DET1: variants seen among roughly 807,000 people sequenced by gnomAD.
The protein encoded by DET1 is DET1 partner of COP1 E3 ubiquitin ligase.
A neutral mutation model predicts 43.7 loss-of-function variants in DET1; 22 were observed. The observed-to-expected ratio is 0.50, with a 90% CI of 0.36 to 0.72. The LOEUF is 0.72. DET1 is among the 30% of genes least tolerant of loss of function. DET1 has a pLI of 0.00. For synonymous variants in DET1, 315 were observed against 266.2 expected (o/e 1.18, Z -1.79); for missense variants, 713 against 713.3 (o/e 1.00, Z 0.00).
intron 2 of DET1, 133 bp from the exon 3 acceptor site, chr15:88,527,919 A>ACAC: frequency 5.2e-6 from 3 of 579,456 alleles, no homozygotes; most frequent in Non-Finnish European, 8.2e-6. Context: ...AACAACAACA[A>ACAC]CAAGCAAACA....
intron 3 of DET1, among the ~76,000 whole-genome samples, chr15:88,517,380 C>A (rs2056375139): frequency 6.6e-6 from 1 of 151,964 alleles, no homozygotes; most frequent in Admixed American, 6.6e-5. Context: ...CACGTGCCAC[C>A]ACACCCAGCT....
Position 88,504,378 on chromosome 15 carries a change from C to T in DET1, c.*2066-391G>A, listed in dbSNP as rs369200668. On this transcript the variant is annotated intron_variant and NMD_transcript_variant, in intron 7 of 8. Coordinates refer to the DET1 transcript ENST00000557842. The surrounding 1 kb of genome is among the most constrained non-coding windows in gnomAD (Gnocchi z 4.7). Reference sequence around the variant, plus strand: ...TCAACCATGATACGATGTGGGAGGGCATGAATATAGAAGGTAGGGTCACTG... The same window carrying T: ...TCAACCATGATACGATGTGGGAGGGTATGAATATAGAAGGTAGGGTCACTG... 6.6e-6 allele frequency: 1 copy of T among 152,136 alleles called. No homozygotes were observed. The highest frequency in any genetic ancestry group is 2.4e-5 in the African/African-American group (1 of 41,418). The allele number at this position is 152,136 out of a possible 1,614,324, so 9.4% of individuals were successfully genotyped here.
rs1000907005 is a variant in DET1 at position 88,530,918 on chromosome 15, T to A, written c.788A>T (p.Asp263Val). 3.7e-6 allele frequency: 6 copies of A among 1,613,900 alleles called. No homozygotes were observed. Among genetic ancestry groups the A allele is most frequent in the Non-Finnish European group, 5.1e-6 (6 of 1,179,900 alleles). ...VRTIGRFCYEDDLLTVSAVFP... is the reference protein window; with the variant it reads ...VRTIGRFCYEVDLLTVSAVFP... ...AACAGCTGACACAGTGAGCAGGTCA[T>A]CCTCATAGCAAAAGCGGCCAATGGT... Residue 263 changes from aspartate (D) to valine (V), a missense_variant, in exon 2 of 5, where the codon GAT (aspartate) becomes GTT (valine). Asp to Val is a radical substitution (Grantham distance 152, BLOSUM62 -3). Coordinates refer to ENST00000268148, the MANE Select transcript of DET1 (RefSeq NM_001144074.3).
In DET1 at chr15:88,530,912, A is replaced by G. The variant is rs1360121746; in HGVS notation, c.794T>C (p.Leu265Pro). The change falls in exon 2 of 5, where the codon CTG (leucine) becomes CCG (proline). Residue 265 changes from leucine (L) to proline (P), a missense_variant. Transcript: ENST00000268148. ...TIGRFCYEDD[L>P]LTVSAVFPEV... Reference sequence around the variant, plus strand: ...AGGGAAAACAGCTGACACAGTGAGCAGGTCATCCTCATAGCAAAAGCGGCC... The same window carrying G: ...AGGGAAAACAGCTGACACAGTGAGCGGGTCATCCTCATAGCAAAAGCGGCC... 6.2e-7 allele frequency: 1 copy of G among 1,614,048 alleles called. No homozygotes were observed. The highest frequency in any genetic ancestry group is 1.1e-5 in the South Asian group (1 of 91,090).
chr15:88,533,329 T>A (rs1276521110), intron 1 of DET1, among the ~76,000 whole-genome samples: 1 of 152,204 alleles, frequency 6.6e-6, no homozygotes, highest in East Asian at 1.9e-4. Flanking sequence ...CCTTGTGCAT[T>A]GTTGGTGGAA....
rs778510845 is a variant in DET1, at chr15:88,536,356, C to G, written c.-10-4641G>C. On this transcript the variant is annotated intron_variant, in intron 1 of 4. Coordinates refer to ENST00000268148, the MANE Select transcript of DET1 (RefSeq NM_001144074.3). ...CCATACCAGAGAGCAGGGAACTGGT[C>G]TAATTCCTTGCTGTATTCCCAGCAC... 6.4e-6 allele frequency: 5 copies of G among 778,746 alleles called. No individual in the cohort carries two copies. In the East Asian group the frequency reaches 9.7e-5, roughly 15 times the overall value. 48.2% of individuals were successfully genotyped at this position (778,746 alleles called of 1,614,324 possible).
downstream of DET1, among the ~76,000 whole-genome samples, chr15:88,508,836 G>C (rs1266738276): frequency 6.6e-6 from 1 of 152,172 alleles, no homozygotes; most frequent in Non-Finnish European, 1.5e-5. Context: ...AAGAGAATAA[G>C]GGGTCAAAGC....
At chr15:88,540,582 T>C (rs1289334761) in intron 1 of DET1, among the ~76,000 whole-genome samples, 2 of 152,006 alleles carry the variant, frequency 1.3e-5, no homozygotes, top group East Asian at 3.9e-4. Flanking sequence ...ATCAGATTGT[T>C]ACTGTGTCTG....
downstream of DET1, chr15:88,511,631 A>G (rs1327113012): frequency 3.1e-6 from 3 of 983,134 alleles, no homozygotes; most frequent in Non-Finnish European, 3.6e-6. Context: ...TATTATAATA[A>G]TCTGTCTATT....
At position 88,516,911 on chromosome 15, in the gene DET1, A is replaced by G; in HGVS notation, c.1334T>C (p.Leu445Pro). 5 of 1,610,178 alleles carry G rather than the reference A, an allele frequency of 3.1e-6. No individual in the cohort carries two copies. The highest frequency in any genetic ancestry group is 3.4e-6 in the Non-Finnish European group (4 of 1,178,208). Residue 445 changes from leucine (L) to proline (P), a missense_variant, in exon 4 of 5, where the codon CTG (leucine) becomes CCG (proline). Leu to Pro is a moderately conservative substitution (Grantham distance 98). Coordinates refer to ENST00000268148, the MANE Select transcript of DET1 (RefSeq NM_001144074.3). The surrounding 1 kb of genome is among the most constrained non-coding windows in gnomAD (Gnocchi z 4.4). ...CTGAGCACTGATGGGGAGCTGACCC[A>G]GCAGCCGGCGTACTGCCTCTGTGTG... ...GGHTEAVRRLLGQLPISAQSY... is the reference protein window; with the variant it reads ...GGHTEAVRRLPGQLPISAQSY...
intron 1 of DET1, among the ~76,000 whole-genome samples, chr15:88,543,525 T>C (rs1251178023): frequency 6.6e-6 from 1 of 152,218 alleles, no homozygotes; most frequent in Non-Finnish European, 1.5e-5. Flanking sequence ...GACCTGATCT[T>C]CAAGATGTGG....
At chr15:88,523,565 G>C (rs111327648) in intron 3 of DET1, among the ~76,000 whole-genome samples, 92 of 152,244 alleles carry the variant, frequency 6.0e-4, no homozygotes, top group African/African-American at 2.1e-3. Flanking sequence ...TCAGTCTACC[G>C]AGTGCCTGGG....
chr15:88,510,632 C>T (rs1273574420), downstream of DET1, among the ~76,000 whole-genome samples: 1 of 152,100 alleles, frequency 6.6e-6, no homozygotes, highest in East Asian at 1.9e-4. Context: ...GAGTAAAGTC[C>T]TTAAGATGGG....
In DET1 at chr15:88,527,786, C is replaced by G; in HGVS notation, c.1084G>C (p.Ala362Pro). The change falls in exon 3 of 5, where the codon GCA becomes CCA. Residue 362 changes from alanine (A) to proline (P), a missense_variant and splice_region_variant. Ala to Pro is a conservative substitution (Grantham distance 27, BLOSUM62 -1). Transcript: ENST00000268148. ...ATATTGTACACCACAAAGAAAGATG[C>G]CTGCAGAAGAAAAGAGAGAGAGGTA... ...VTLRVTDPSQASFFVVYNMVT... is the reference protein window; with the variant it reads ...VTLRVTDPSQPSFFVVYNMVT... 2 of 1,580,566 alleles carry G rather than the reference C, an allele frequency of 1.3e-6. No homozygotes were observed. Among genetic ancestry groups the G allele is most frequent in the Non-Finnish European group, 1.7e-6 (2 of 1,161,286 alleles).
rs557302327 is a variant in DET1 at position 88,535,896 on chromosome 15, T to A, written c.-10-4181A>T. 2.0e-5 allele frequency among the ~76,000 whole-genome samples: 3 copies of A among 152,076 alleles called. No homozygotes were observed. The South Asian group carries it at 6.2e-4, about 32-fold the overall frequency. ...AATTTCCCAAATTTGGCTAAAGATATAAACTCCAATTCAAAAGGTTCAGAG... is the reference window on the plus strand; with the variant it reads ...AATTTCCCAAATTTGGCTAAAGATAAAAACTCCAATTCAAAAGGTTCAGAG... On this transcript the variant is annotated intron_variant, in intron 1 of 4. Coordinates refer to ENST00000268148, the MANE Select transcript of DET1 (RefSeq NM_001144074.3).
chr15:88,531,793 A>T lies in DET1; in HGVS notation c.-10-78T>A. ...ATATAAATATATACAAGTGAAACAG[A>T]TTTCTCTTCTTATATCCTGAACCTA... On this transcript the variant is annotated intron_variant, in intron 1 of 4. Coordinates refer to ENST00000268148, the MANE Select transcript of DET1 (RefSeq NM_001144074.3). This position sits in a 1 kb window ranked among gnomAD's most constrained non-coding sequence, Gnocchi z 6.2. The T allele has an allele frequency of 7.3e-7, 1 of 1,362,756 alleles. No homozygotes were observed. The highest frequency in any genetic ancestry group is 9.8e-7 in the Non-Finnish European group (1 of 1,021,260). The allele number at this position is 1,362,756 out of a possible 1,614,324, so 84.4% of individuals were successfully genotyped here.
chr15:88,513,886 G>A (rs1346737857), intron 4 of DET1, among the ~76,000 whole-genome samples: 1 of 127,560 alleles, frequency 7.8e-6, no homozygotes, highest in African/African-American at 3.1e-5. Flanking sequence ...TGCAAGCTCC[G>A]CCTCCCGGGT....
chr15:88,542,683 C>A (rs1486419147), intron 1 of DET1, among the ~76,000 whole-genome samples: 1 of 152,100 alleles, frequency 6.6e-6, no homozygotes, highest in East Asian at 1.9e-4. Flanking sequence ...GCTGAAAAGG[C>A]CGCTGATAAA....
At chr15:88,537,662 C>T (rs139216628) in intron 1 of DET1, among the ~76,000 whole-genome samples, 12 of 152,334 alleles carry the variant, frequency 7.9e-5, no homozygotes, top group East Asian at 1.9e-4. Flanking sequence ...CCGACCAGTA[C>T]GCAAACACTA....
Sources: allele counts gnomAD v4.1 joint callset (sites outside exome capture counted in the v4.1 genomes callset), GRCh38; gene constraint gnomAD v4.1.1; non-coding constraint Gnocchi (gnomAD v3.1); transcripts MANE v1.5; gene names NCBI Gene and HGNC (gene_info 2026-07-23, HGNC 2026-07-21).